ADK: variants seen among roughly 807,000 people sequenced by gnomAD.
ADK encodes N6,N6-dimethyladenosine kinase.
In ADK, 24 loss-of-function variants were observed where a neutral mutation model predicts 44.7. The observed-to-expected ratio is 0.54, with a 90% CI of 0.39 to 0.76. The LOEUF (loss-of-function observed/expected upper bound fraction) is 0.76. ADK is among the 30% of genes least tolerant of loss of function. ADK has a pLI of 0.00. For missense variants in ADK, 321 were observed against 425.1 expected (o/e 0.76, Z 2.15); for synonymous variants, 128 against 142.6 (o/e 0.90, Z 0.73).
chr10:74,457,678 T>A (rs1320375526), intron 6 of ADK, among the ~76,000 whole-genome samples: 1 of 152,220 alleles, frequency 6.6e-6, no homozygotes, highest in East Asian at 1.9e-4. Flanking sequence ...CATGGAATAC[T>A]ATGCAGCCAT....
chr10:74,266,846 T>C (rs1036631578), intron 3 of ADK, among the ~76,000 whole-genome samples: 4 of 152,240 alleles, frequency 2.6e-5, no homozygotes, highest in African/African-American at 9.6e-5. Context: ...ATTGAAATTA[T>C]ATAATCAGAA....
chr10:74,587,527 TG>T (rs1400712852), intron 7 of ADK, among the ~76,000 whole-genome samples: 1 of 152,186 alleles, frequency 6.6e-6, no homozygotes, highest in Non-Finnish European at 1.5e-5. Flanking sequence ...GGTGCATACA[TG>T]TATTTTTTTC....
intron 9 of ADK, among the ~76,000 whole-genome samples, chr10:74,656,939 A>C (rs1274164738): frequency 2.0e-5 from 3 of 151,998 alleles, no homozygotes; most frequent in African/African-American, 4.8e-5. Flanking sequence ...AGCTCACTGC[A>C]TCCTCGAATT....
intron 3 of ADK, among the ~76,000 whole-genome samples, chr10:74,269,632 T>G (rs947497631): frequency 6.6e-6 from 1 of 152,162 alleles, no homozygotes; most frequent in African/African-American, 2.4e-5. Context: ...TATATAGGTG[T>G]AAAAGTGATA....
chr10:74,451,067 C>CTTTTTTTTTTTTT (rs35120068), intron 6 of ADK, among the ~76,000 whole-genome samples: 34 of 72,182 alleles, frequency 4.7e-4, no homozygotes, highest in African/African-American at 1.6e-3. Flanking sequence ...GCTCTGCTGC[C>CTTTTTTTTTTTTT]TTTTTTTTTT....
chr10:74,437,133 T>C (rs1272392597), intron 6 of ADK, among the ~76,000 whole-genome samples: 1 of 152,004 alleles, frequency 6.6e-6, no homozygotes, highest in Non-Finnish European at 1.5e-5. Context: ...AAAGAAAAGA[T>C]AGAAGCAATA....
chr10:74,176,852 GC>G, intron 1 of ADK: 1 of 1,607,892 alleles, frequency 6.2e-7, no homozygotes. Context: ...GCGCCGTGGC[GC>G]TGGGCAGGAG....
At chr10:74,430,787 G>T (rs1844957451) in intron 6 of ADK, among the ~76,000 whole-genome samples, 1 of 151,818 alleles carries the variant, frequency 6.6e-6, no homozygotes, top group Admixed American at 6.6e-5. Context: ...ACAGCTGTTT[G>T]GGGAAAGCAC....
At chr10:74,499,835 A>G (rs1322812287) in intron 6 of ADK, among the ~76,000 whole-genome samples, 1 of 152,168 alleles carries the variant, frequency 6.6e-6, no homozygotes, top group African/African-American at 2.4e-5. Context: ...TTTTCTCCCC[A>G]ATCTTATACT....
intron 9 of ADK, among the ~76,000 whole-genome samples, chr10:74,645,570 C>T (rs577275070): frequency 6.6e-6 from 1 of 151,838 alleles, no homozygotes; most frequent in African/African-American, 2.4e-5. Flanking sequence ...GTTTTGTGAC[C>T]CCTGAATGAT....
chr10:74,317,547 G>C (rs1840665831), intron 4 of ADK, among the ~76,000 whole-genome samples: 1 of 143,460 alleles, frequency 7.0e-6, no homozygotes, highest in Non-Finnish European at 1.5e-5. Context: ...ACAACATAGT[G>C]AGACCCTGTC....
At chr10:74,267,754 T>TTTGTGTGTGTGTGTGTG (rs1554835954) in intron 3 of ADK, among the ~76,000 whole-genome samples, 1 of 132,734 alleles carries the variant, frequency 7.5e-6, no homozygotes, top group Non-Finnish European at 1.6e-5. Context: ...ATATCCTTAT[T>TTTGTGTGTGTGTGTGTG]TGTGTGTGTG....
chr10:74,359,635 A>C (rs1842261751), intron 4 of ADK, among the ~76,000 whole-genome samples: 1 of 152,164 alleles, frequency 6.6e-6, no homozygotes, highest in African/African-American at 2.4e-5. Context: ...CTTTGGGCCC[A>C]GGTGGTCAAG....
At chr10:74,238,008 C>T (rs1013959336) in intron 3 of ADK, among the ~76,000 whole-genome samples, 2 of 152,078 alleles carry the variant, frequency 1.3e-5, no homozygotes, top group African/African-American at 4.8e-5. Flanking sequence ...GTAGGAGAAT[C>T]GCTTGAACCC....
intron 3 of ADK, among the ~76,000 whole-genome samples, chr10:74,310,218 T>A (rs1414441989): frequency 6.6e-6 from 1 of 152,134 alleles, no homozygotes. Context: ...AAAATTCCCA[T>A]ACTTTATTTC....
chr10:74,302,144 T>TGAGA, intron 3 of ADK, among the ~76,000 whole-genome samples: 1 of 112,572 alleles, frequency 8.9e-6, no homozygotes, highest in Non-Finnish European at 1.8e-5. Flanking sequence ...TTTTTTTTTT[T>TGAGA]TTGAGATGGA....
chr10:74,626,313 T>C (rs1853201654), intron 9 of ADK, among the ~76,000 whole-genome samples: 1 of 151,650 alleles, frequency 6.6e-6, no homozygotes, highest in South Asian at 2.1e-4. Context: ...TTTTTTTTTT[T>C]TTTTTTTGGA....
chr10:74,422,322 A>G (rs1844585140), intron 6 of ADK, among the ~76,000 whole-genome samples: 1 of 152,250 alleles, frequency 6.6e-6, no homozygotes, highest in Non-Finnish European at 1.5e-5. Flanking sequence ...AAGGTTGTGA[A>G]CAATGAAGAA....
At chr10:74,347,527 T>C (rs1841818677) in intron 4 of ADK, among the ~76,000 whole-genome samples, 1 of 152,052 alleles carries the variant, frequency 6.6e-6, no homozygotes. Flanking sequence ...GCAGGAGTTT[T>C]TTTTCGTACC....
Sources: gnomAD v4.1 joint callset for allele counts (sites outside exome capture counted in the v4.1 genomes callset) on GRCh38, gnomAD v4.1.1 for gene constraint, MANE v1.5 for transcripts, NCBI Gene and HGNC (gene_info 2026-07-23, HGNC 2026-07-21) for gene names.